Variants in FAM107B observed in about 807,000 individuals in gnomAD.
The protein encoded by FAM107B is protein FAM107B.
A neutral mutation model predicts 31.5 loss-of-function variants in FAM107B; 21 were observed. The ratio of observed to expected loss-of-function variants is 0.67; its 90% CI spans 0.47 to 0.96. The LOEUF (loss-of-function observed/expected upper bound fraction) is 0.96. Among genes scored for constraint, FAM107B ranks in the 40% least tolerant of loss-of-function variants. FAM107B has a pLI of 0.00. For synonymous variants in FAM107B, 157 were observed against 141.5 expected (o/e 1.11, Z -0.78); for missense variants, 452 against 377.1 (o/e 1.20, Z -1.64).
At chr10:14,554,338 G>T in intron 2 of FAM107B, 1 of 167,324 alleles carries the variant, frequency 6.0e-6, no homozygotes, top group Non-Finnish European at 1.2e-5. Flanking sequence ...TGCTAGCATT[G>T]CTCAGACAGG....
At chr10:14,658,088 A>AGGCGTAAT (rs1854117157) in intron 2 of FAM107B, among the ~76,000 whole-genome samples, 1 of 152,218 alleles carries the variant, frequency 6.6e-6, no homozygotes, top group African/African-American at 2.4e-5. Flanking sequence ...CTGGGATTAC[A>AGGCGTAAT]GGCGTAATTA....
intron 1 of FAM107B, among the ~76,000 whole-genome samples, chr10:14,755,246 T>C (rs374570135): frequency 2.6e-4 from 40 of 152,202 alleles, no homozygotes; most frequent in African/African-American, 9.4e-4. Flanking sequence ...CATGAACAAG[T>C]CCCATTAGGT....
chr10:14,576,201 C>T (rs2131289640), intron 2 of FAM107B, among the ~76,000 whole-genome samples: 1 of 152,288 alleles, frequency 6.6e-6, no homozygotes, highest in South Asian at 2.1e-4. Context: ...AATGGTTTAC[C>T]TCGTTGTGTA....
intron 2 of FAM107B, chr10:14,542,475 C>G (rs186697696): frequency 6.6e-6 from 1 of 152,106 alleles, no homozygotes; most frequent in Non-Finnish European, 1.5e-5. Flanking sequence ...TCTTCTTTCT[C>G]ATGTTAACCC....
chr10:14,530,200 A>C (rs559763372), intron 3 of FAM107B, 132 bp downstream of exon 3: 1 of 993,972 alleles, frequency 1.0e-6, no homozygotes, highest in Admixed American at 2.9e-5. Flanking sequence ...GGATGTGAGA[A>C]GGAATAAGAA....
intron 2 of FAM107B, chr10:14,571,991 C>T (rs547078446): frequency 2.0e-6 from 2 of 985,276 alleles, no homozygotes; most frequent in Admixed American, 6.1e-5. Flanking sequence ...AAGAATGCAC[C>T]TTCTGACTGT....
intron 1 of FAM107B, among the ~76,000 whole-genome samples, chr10:14,693,234 G>A (rs866604152): frequency 5.9e-5 from 9 of 152,154 alleles, no homozygotes; most frequent in Admixed American, 5.2e-4. Context: ...CCAGCACTTT[G>A]GGAGGCCAAG....
chr10:14,661,546 C>G (rs1263179050), intron 2 of FAM107B: 1 of 152,238 alleles, frequency 6.6e-6, no homozygotes, highest in African/African-American at 2.4e-5. Context: ...ACCATTGGCT[C>G]TCCTGGTTCT....
chr10:14,686,163 C>T (rs1443332335), intron 1 of FAM107B, among the ~76,000 whole-genome samples: 5 of 152,000 alleles, frequency 3.3e-5, no homozygotes, highest in Non-Finnish European at 5.9e-5. Flanking sequence ...CCGAGGTGGG[C>T]AGATCACTTG....
intron 1 of FAM107B, among the ~76,000 whole-genome samples, chr10:14,700,850 AAAC>A (rs1440709335): frequency 5.4e-5 from 3 of 55,950 alleles, no homozygotes; most frequent in Admixed American, 2.0e-4. Flanking sequence ...AAAAAAAAAA[AAAC>A]GCACTAGGGT....
At chr10:14,622,549 C>A (rs1406311265) in intron 2 of FAM107B, among the ~76,000 whole-genome samples, 1 of 152,138 alleles carries the variant, frequency 6.6e-6, no homozygotes, top group South Asian at 2.1e-4. Context: ...TCGTGATCCA[C>A]CCGCCTTGGC....
At chr10:14,739,558 A>G (rs1210386880) in intron 1 of FAM107B, among the ~76,000 whole-genome samples, 1 of 152,160 alleles carries the variant, frequency 6.6e-6, no homozygotes, top group Non-Finnish European at 1.5e-5. Context: ...TACTCCTGGA[A>G]TGTGTGACTT....
At chr10:14,738,711 T>G (rs542126788) in intron 1 of FAM107B, among the ~76,000 whole-genome samples, 3 of 152,138 alleles carry the variant, frequency 2.0e-5, no homozygotes, top group Admixed American at 6.5e-5. Context: ...ACACATGGAT[T>G]GGGCCCTGGC....
At position 14,520,218 on chromosome 10, in the gene FAM107B, C is replaced by T. The variant is rs529236889; in HGVS notation, c.*972G>A. On this transcript the variant is annotated 3_prime_UTR_variant, in exon 5 of 5. Transcript: ENST00000181796. ...ACATCTTCTGATGAAGCCTCCTTGA[C>T]AGCAGTCTACACTTATTTCACATTA... 3 of 152,356 alleles carry T rather than the reference C, an allele frequency of 2.0e-5. No individual in the cohort carries two copies. The highest frequency in any genetic ancestry group is 7.2e-5 in the African/African-American group (3 of 41,554). 9.4% of individuals were successfully genotyped at this position (152,356 alleles called of 1,614,324 possible).
At chr10:14,681,400 T>C (rs1854831488) in intron 1 of FAM107B, among the ~76,000 whole-genome samples, 1 of 152,190 alleles carries the variant, frequency 6.6e-6, no homozygotes, top group Non-Finnish European at 1.5e-5. Flanking sequence ...CTGGGTGTCA[T>C]TCCATAGGGT....
chr10:14,574,401 C>A (rs1254362551), intron 2 of FAM107B, among the ~76,000 whole-genome samples: 2 of 152,200 alleles, frequency 1.3e-5, no homozygotes, highest in Non-Finnish European at 2.9e-5. Context: ...ATTTTGCAAA[C>A]CAGTACAAAT....
chr10:14,541,670 C>T (rs552888381), intron 2 of FAM107B, among the ~76,000 whole-genome samples: 1 of 152,340 alleles, frequency 6.6e-6, no homozygotes, highest in African/African-American at 2.4e-5. Context: ...TCCCACGTTT[C>T]CACACTGTCT....
intron 2 of FAM107B, among the ~76,000 whole-genome samples, chr10:14,611,805 C>G (rs1259698836): frequency 6.6e-6 from 1 of 151,772 alleles, no homozygotes; most frequent in Non-Finnish European, 1.5e-5. Flanking sequence ...CTCTTCTAAG[C>G]TCATTCATTT....
intron 2 of FAM107B, among the ~76,000 whole-genome samples, chr10:14,547,816 C>T (rs150100362): frequency 2.6e-5 from 4 of 152,288 alleles, no homozygotes; most frequent in South Asian, 4.1e-4. Context: ...TTAAAATGTT[C>T]CATAATTAAA....
Sources: gnomAD v4.1 joint callset for allele counts (sites outside exome capture counted in the v4.1 genomes callset) on GRCh38, gnomAD v4.1.1 for gene constraint, MANE v1.5 for transcripts, NCBI Gene and HGNC (gene_info 2026-07-23, HGNC 2026-07-21) for gene names.